TAFA1: variants seen among roughly 807,000 people sequenced by gnomAD.
TAFA1 encodes chemokine-like protein TAFA-1.
TAFA1 carries 4 observed loss-of-function variants against 18.5 expected under a neutral mutation model. That is an observed-to-expected ratio of 0.22 (90% CI 0.11 to 0.49). The LOEUF is 0.49. TAFA1 is among the 20% of genes least tolerant of loss of function. The pLI, the probability that TAFA1 is intolerant of heterozygous loss-of-function variation, is 0.98. For missense variants in TAFA1, 147 were observed against 169.0 expected (o/e 0.87, Z 0.72); for synonymous variants, 56 against 55.2 (o/e 1.01, Z -0.06).
intron 2 of TAFA1, among the ~76,000 whole-genome samples, chr3:68,333,102 G>T (rs2106734792): frequency 6.6e-6 from 1 of 152,264 alleles, no homozygotes; most frequent in East Asian, 1.9e-4. Flanking sequence ...GACAATTTCT[G>T]AAAGAACTTA....
chr3:68,183,219 T>G (rs764585508), intron 2 of TAFA1, among the ~76,000 whole-genome samples: 25 of 152,170 alleles, frequency 1.6e-4, no homozygotes, highest in Non-Finnish European at 7.4e-5. Flanking sequence ...CCAGGACCAC[T>G]TATTGTGCAT....
At chr3:68,472,750 T>C (rs1380472024) in intron 3 of TAFA1, among the ~76,000 whole-genome samples, 1 of 152,140 alleles carries the variant, frequency 6.6e-6, no homozygotes, top group East Asian at 1.9e-4. Context: ...AAAATGCCTA[T>C]AAATCAGTTA....
chr3:68,185,587 A>G (rs2066259685), intron 2 of TAFA1, among the ~76,000 whole-genome samples: 1 of 152,066 alleles, frequency 6.6e-6, no homozygotes, highest in Non-Finnish European at 1.5e-5. Context: ...CAACCACAGT[A>G]TCATCTAACC....
At chr3:68,002,044 TC>T (rs1704289306), upstream of TAFA1, among the ~76,000 whole-genome samples, 1 of 152,174 alleles carries the variant, frequency 6.6e-6, no homozygotes, top group Non-Finnish European at 1.5e-5. Flanking sequence ...CCTAAAGGGA[TC>T]AGGAAGTGCA....
chr3:68,271,128 C>T (rs571132086), intron 2 of TAFA1, among the ~76,000 whole-genome samples: 4 of 152,014 alleles, frequency 2.6e-5, no homozygotes, highest in African/African-American at 2.4e-5. Flanking sequence ...TCTACCCCAC[C>T]CTGCCCCTTC....
intron 2 of TAFA1, among the ~76,000 whole-genome samples, chr3:68,030,972 T>C (rs1038271503): frequency 4.6e-5 from 7 of 152,126 alleles, no homozygotes; most frequent in Admixed American, 2.0e-4. Context: ...TTTGGACTCA[T>C]TACCAGAAAG....
intron 3 of TAFA1, among the ~76,000 whole-genome samples, chr3:68,456,728 A>G (rs1455256246): frequency 6.6e-6 from 1 of 152,212 alleles, no homozygotes; most frequent in Non-Finnish European, 1.5e-5. Flanking sequence ...TATCTTGCAA[A>G]AAATGCAAGC....
intron 2 of TAFA1, among the ~76,000 whole-genome samples, chr3:68,135,753 T>C (rs2065599865): frequency 6.6e-6 from 1 of 152,380 alleles, no homozygotes; most frequent in East Asian, 1.9e-4. Context: ...AAACAGCTGT[T>C]ACTGAATGAC....
chr3:68,243,524 A>G (rs528195935), intron 2 of TAFA1, among the ~76,000 whole-genome samples: 1 of 152,118 alleles, frequency 6.6e-6, no homozygotes, highest in African/African-American at 2.4e-5. Context: ...TCTATATCTC[A>G]ACTACTATAT....
At chr3:68,103,224 A>C (rs2065168349) in intron 2 of TAFA1, among the ~76,000 whole-genome samples, 1 of 152,220 alleles carries the variant, frequency 6.6e-6, no homozygotes, top group Non-Finnish European at 1.5e-5. Flanking sequence ...GCAAGTGTTG[A>C]GGCAGATTTG....
intron 2 of TAFA1, among the ~76,000 whole-genome samples, chr3:68,033,028 A>T (rs1288278610): frequency 6.6e-6 from 1 of 152,176 alleles, no homozygotes; most frequent in African/African-American, 2.4e-5. Context: ...ACATTTATAT[A>T]TAAATGGTTG....
chr3:68,177,286 A>C (rs1452837543), intron 2 of TAFA1, among the ~76,000 whole-genome samples: 1 of 152,218 alleles, frequency 6.6e-6, no homozygotes, highest in Non-Finnish European at 1.5e-5. Flanking sequence ...TGGTAAATCA[A>C]CATTAATGAT....
intron 2 of TAFA1, among the ~76,000 whole-genome samples, chr3:68,359,224 T>C (rs529225724): frequency 1.3e-5 from 2 of 152,104 alleles, no homozygotes; most frequent in African/African-American, 4.8e-5. Flanking sequence ...ATTCTTAAAA[T>C]CATGTTAATC....
intron 2 of TAFA1, among the ~76,000 whole-genome samples, chr3:68,195,875 A>T (rs1164178002): frequency 1.3e-5 from 2 of 151,734 alleles, no homozygotes; most frequent in Non-Finnish European, 2.9e-5. Flanking sequence ...CCCACCCTGG[A>T]AAGTAGTAGG....
chr3:68,292,952 G>A (rs1337926555), intron 2 of TAFA1, among the ~76,000 whole-genome samples: 2 of 152,034 alleles, frequency 1.3e-5, no homozygotes, highest in Non-Finnish European at 2.9e-5. Context: ...GCATTTCATT[G>A]ATTGCTTCCC....
chr3:68,482,662 T>G (rs1559687901), intron 3 of TAFA1, among the ~76,000 whole-genome samples: 3 of 152,206 alleles, frequency 2.0e-5, no homozygotes, highest in Non-Finnish European at 2.9e-5. Flanking sequence ...TCCTCTACTC[T>G]CTTCCTTTTG....
At chr3:68,078,045 C>T (rs1287800396) in intron 2 of TAFA1, among the ~76,000 whole-genome samples, 1 of 151,720 alleles carries the variant, frequency 6.6e-6, no homozygotes, top group Non-Finnish European at 1.5e-5. Flanking sequence ...AAGCTGGATT[C>T]CTAGGTATTT....
chr3:68,084,890 CTTTAGTT>C (rs1021510269), intron 2 of TAFA1, among the ~76,000 whole-genome samples: 1 of 151,634 alleles, frequency 6.6e-6, no homozygotes, highest in Non-Finnish European at 1.5e-5. Flanking sequence ...ACTCTTTACT[CTTTAGTT>C]CTTTGTACTT....
At chr3:68,368,153 C>T (rs2106808470) in intron 2 of TAFA1, among the ~76,000 whole-genome samples, 1 of 152,272 alleles carries the variant, frequency 6.6e-6, no homozygotes, top group East Asian at 1.9e-4. Flanking sequence ...TGAAAAACCT[C>T]AGGATTTTTT....
Sources: allele counts gnomAD v4.1 joint callset (sites outside exome capture counted in the v4.1 genomes callset), GRCh38; gene constraint gnomAD v4.1.1; transcripts MANE v1.5; gene names NCBI Gene and HGNC (gene_info 2026-07-23, HGNC 2026-07-21).